CDK14: variants seen among roughly 807,000 people sequenced by gnomAD.
The protein encoded by CDK14 is cyclin dependent kinase 14.
Under a neutral mutation model 60.7 loss-of-function variants are expected in CDK14, and 34 were observed. The ratio of observed to expected loss-of-function variants is 0.56; its 90% CI spans 0.43 to 0.75. The LOEUF (loss-of-function observed/expected upper bound fraction) is 0.75. Among genes scored for constraint, CDK14 ranks in the 30% least tolerant of loss-of-function variants. The pLI, the probability that CDK14 is intolerant of heterozygous loss-of-function variation, is 0.00. For missense variants in CDK14, 482 were observed against 564.1 expected (o/e 0.85, Z 1.47); for synonymous variants, 197 against 203.7 (o/e 0.97, Z 0.28).
intron 10 of CDK14, among the ~76,000 whole-genome samples, chr7:91,039,096 T>C (rs980567630): frequency 1.3e-5 from 2 of 152,140 alleles, no homozygotes; most frequent in Non-Finnish European, 2.9e-5. Context: ...GGAGTGTCCT[T>C]CTCCTACTCA....
At chr7:90,816,048 A>G (rs1458926355) in intron 5 of CDK14, among the ~76,000 whole-genome samples, 2 of 152,158 alleles carry the variant, frequency 1.3e-5, no homozygotes, top group South Asian at 2.1e-4. Context: ...ACAAACCTGC[A>G]TGTTCTATAC....
intron 10 of CDK14, among the ~76,000 whole-genome samples, chr7:90,985,973 AAAG>A (rs1246022938): frequency 6.6e-6 from 1 of 152,116 alleles, no homozygotes; most frequent in Non-Finnish European, 1.5e-5. Context: ...AAAATGAAAA[AAAG>A]CTGAAAAATC....
chr7:90,995,079 C>T (rs802415), intron 10 of CDK14, among the ~76,000 whole-genome samples: 74,755 of 152,042 alleles, frequency 0.49, 18,921 homozygotes, highest in East Asian at 0.71. Flanking sequence ...TCCCCTTGAG[C>T]GTGGGCTGGA....
At chr7:90,724,956 A>G (rs936893680) in intron 2 of CDK14, among the ~76,000 whole-genome samples, 1 of 152,298 alleles carries the variant, frequency 6.6e-6, no homozygotes, top group Non-Finnish European at 1.5e-5. Flanking sequence ...GATCATGACT[A>G]GAGGACTCTG....
Position 90,992,208 on chromosome 7 carries a change from C to T in CDK14, c.1041+7967C>T, listed in dbSNP as rs372102221. On this transcript the variant is annotated intron_variant, in intron 10 of 14. Transcript: ENST00000380050. ...TATCCATCTATAGAATAGCTAATCACATTACTGCTTAAAAAGAAACTTCTA... is the reference window on the plus strand; with the variant it reads ...TATCCATCTATAGAATAGCTAATCATATTACTGCTTAAAAAGAAACTTCTA... Among the ~76,000 whole-genome samples, 4 of 152,302 alleles carry T rather than the reference C, an allele frequency of 2.6e-5. No individual in the cohort carries two copies. The East Asian group carries it at 5.8e-4, about 22-fold the overall frequency.
intron 3 of CDK14, among the ~76,000 whole-genome samples, chr7:90,740,932 AT>A (rs1032483942): frequency 1.3e-5 from 2 of 152,144 alleles, no homozygotes; most frequent in African/African-American, 4.8e-5. Flanking sequence ...GGAGGTTTTC[AT>A]TTTTATATAT....
intron 12 of CDK14, among the ~76,000 whole-genome samples, chr7:91,096,527 T>A (rs907292131): frequency 2.0e-5 from 3 of 151,956 alleles, no homozygotes; most frequent in African/African-American, 7.3e-5. Flanking sequence ...AGATTCCTGA[T>A]CCTTGGAAAC....
At chr7:91,122,598 A>G (rs1799813720) in intron 14 of CDK14, among the ~76,000 whole-genome samples, 1 of 152,168 alleles carries the variant, frequency 6.6e-6, no homozygotes, top group Admixed American at 6.5e-5. Context: ...CTGTGACATT[A>G]TGGCGGCTCA....
At chr7:90,830,396 T>A (rs888548106) in intron 5 of CDK14, among the ~76,000 whole-genome samples, 1 of 152,168 alleles carries the variant, frequency 6.6e-6, no homozygotes, top group Non-Finnish European at 1.5e-5. Flanking sequence ...ATGGCCAGGA[T>A]GCAAGGCACC....
chr7:90,805,178 T>G (rs1285252416), intron 5 of CDK14, among the ~76,000 whole-genome samples: 1 of 152,112 alleles, frequency 6.6e-6, no homozygotes, highest in Non-Finnish European at 1.5e-5. Context: ...ATTCGTAATG[T>G]ACTTGTAAAC....
At chr7:90,834,738 T>G (rs1481453883) in intron 5 of CDK14, among the ~76,000 whole-genome samples, 2 of 152,222 alleles carry the variant, frequency 1.3e-5, no homozygotes, top group Non-Finnish European at 2.9e-5. Flanking sequence ...GGCCAAATTC[T>G]GGGTTTTATT....
intron 5 of CDK14, among the ~76,000 whole-genome samples, chr7:90,794,575 C>A (rs4728935): frequency 0.89 from 135,858 of 152,232 alleles, 60,691 homozygotes; most frequent in East Asian, 1. Context: ...GAAAGAAGAG[C>A]AATATGGCTC....
rs1197751474 is a variant in CDK14, at chr7:91,118,150, T to C, written c.1380T>C (p.Tyr460=). The C allele has an allele frequency of 3.1e-6, 5 of 1,613,324 alleles. No individual in the cohort carries two copies. The South Asian group carries it at 3.3e-5, about 11-fold the overall frequency. The change falls in exon 14 of 15, where the codon TAT becomes TAC. Residue 460 remains tyrosine (Y), a synonymous_variant. Coordinates refer to ENST00000380050, the MANE Select transcript of CDK14 (RefSeq NM_001287135.2). The part of the protein sequence containing the change: ...SMRAFGKNNS[Y]GKSLSNSKH Reference sequence around the variant, plus strand: ...GGGCCTTTGGGAAAAACAATAGTTATGGCAAAAGTCTATCAAACAGCAAGC... The same window carrying C: ...GGGCCTTTGGGAAAAACAATAGTTACGGCAAAAGTCTATCAAACAGCAAGC...
intron 12 of CDK14, among the ~76,000 whole-genome samples, chr7:91,100,598 G>A (rs867030614): frequency 2.6e-5 from 4 of 152,240 alleles, no homozygotes; most frequent in East Asian, 1.9e-4. Context: ...ATATTAGTAC[G>A]CAGGAAAGGC....
intron 12 of CDK14, chr7:91,107,590 C>G (rs1171387389): frequency 6.6e-6 from 1 of 152,192 alleles, no homozygotes; most frequent in Non-Finnish European, 1.5e-5. Context: ...TTACTGTCAT[C>G]ATGTTGCTGG....
chr7:90,795,700 C>A (rs914514330), intron 5 of CDK14, among the ~76,000 whole-genome samples: 9 of 151,940 alleles, frequency 5.9e-5, no homozygotes, highest in Non-Finnish European at 1.0e-4. Context: ...ATACAGTAGA[C>A]CCTGAATATG....
At chr7:91,119,414 G>A (rs1344585987) in intron 14 of CDK14, among the ~76,000 whole-genome samples, 1 of 152,184 alleles carries the variant, frequency 6.6e-6, no homozygotes, top group Admixed American at 6.5e-5. Flanking sequence ...AGCCTGGGAG[G>A]CTGAGGTTGC....
chr7:91,032,128 G>T (rs10241886), intron 10 of CDK14, among the ~76,000 whole-genome samples: 55,858 of 151,974 alleles, frequency 0.37, 11,250 homozygotes, highest in East Asian at 0.7. Context: ...CCTAGGCAGG[G>T]TCCCCTCTTA....
At chr7:91,052,649 G>A (rs1367781494) in intron 11 of CDK14, among the ~76,000 whole-genome samples, 1 of 152,158 alleles carries the variant, frequency 6.6e-6, no homozygotes, top group Non-Finnish European at 1.5e-5. Flanking sequence ...AATACACTGT[G>A]AAGTTCAGTG....
Sources: allele counts gnomAD v4.1 joint callset (sites outside exome capture counted in the v4.1 genomes callset), GRCh38; gene constraint gnomAD v4.1.1; transcripts MANE v1.5; gene names NCBI Gene and HGNC (gene_info 2026-07-23, HGNC 2026-07-21).